NUP188: variants seen among roughly 807,000 people sequenced by gnomAD.
The protein encoded by NUP188 is nucleoporin NUP188.
Under a neutral mutation model 223.0 loss-of-function variants are expected in NUP188, and 97 were observed. The observed-to-expected ratio is 0.43, with a 90% CI of 0.37 to 0.51. The LOEUF (loss-of-function observed/expected upper bound fraction) is 0.51, where lower values mean the gene tolerates loss of function less well. NUP188 is among the 20% of genes least tolerant of loss of function. The pLI is 0.00. For synonymous variants in NUP188, 869 were observed against 828.0 expected (o/e 1.05, Z -0.85); for missense variants, 1,947 against 2,175.6 (o/e 0.89, Z 2.09).
chr9:128,960,767 T>G (rs1251904253), intron 8 of NUP188, among the ~76,000 whole-genome samples: 1 of 152,004 alleles, frequency 6.6e-6, no homozygotes, highest in Non-Finnish European at 1.5e-5. Context: ...CTGGCCAATA[T>G]GGTAAAACCC....
chr9:128,995,125 CTCCA>C, intron 29 of NUP188, 190 bp from the exon 30 acceptor site: 2 of 633,654 alleles, frequency 3.2e-6, no homozygotes, highest in Non-Finnish European at 5.6e-6. Flanking sequence ...GTGAAGCAAA[CTCCA>C]TGCAACTGGG....
chr9:128,950,085 G>A (rs138942106), intron 2 of NUP188, among the ~76,000 whole-genome samples: 1 of 151,852 alleles, frequency 6.6e-6, no homozygotes, highest in East Asian at 1.9e-4. Flanking sequence ...ACCACGCCCT[G>A]CTGATTTTTA....
chr9:129,006,610 G>A lies in NUP188; in HGVS notation c.5182G>A (p.Ala1728Thr), dbSNP rs1173025238. ...PQGKSTSLSK[A>T]SPESQEPLIQ... The stretch of plus-strand genomic sequence containing the variant: ...GGGCAAGTCCACCTCTCTCTCCAAA[G>A]CCAGCCCTGAGAGTCAGGAGCCTCT... The change falls in exon 44 of 44, where the codon GCC becomes ACC. Residue 1728 changes from alanine (A) to threonine (T), a missense_variant. By Grantham distance (58) the Ala-to-Thr change is moderately conservative. Transcript: ENST00000372577. 1.9e-6 allele frequency: 3 copies of A among 1,614,170 alleles called. No homozygotes were observed. The highest frequency in any genetic ancestry group is 2.5e-6 in the Non-Finnish European group (3 of 1,180,034).
In NUP188 at chr9:128,972,702, A is replaced by G. The variant is rs186801093; in HGVS notation, c.1114-458A>G. Among the ~76,000 whole-genome samples, 3 of 152,276 alleles carry G rather than the reference A, an allele frequency of 2.0e-5. No homozygotes were observed. The East Asian group carries it at 5.8e-4, about 29-fold the overall frequency. ...TGTGGAGGCAGAGGATATATGGGAA[A>G]TCTTTGTACTTTTCTGCTCAGTTTT... On this transcript the variant is annotated intron_variant, in intron 11 of 43. Transcript: ENST00000372577.
At chr9:128,979,536 A>G (rs535392171) in intron 13 of NUP188, among the ~76,000 whole-genome samples, 2 of 152,312 alleles carry the variant, frequency 1.3e-5, no homozygotes, top group South Asian at 4.1e-4. Flanking sequence ...ACACATAGAA[A>G]GAGGCAGCCA....
Position 128,957,002 on chromosome 9 carries a change from G to A in NUP188, c.297G>A (p.Glu99=), listed in dbSNP as rs1223208607. Residue 99 remains glutamate (E), a synonymous_variant, in exon 5 of 44, where the codon GAG becomes GAA. Transcript: ENST00000372577. ...SVQLLQCYLQ[E]DYRGTRDSVK... ...AGTTACTCCAGTGTTACCTGCAAGA[G>A]GACTACAGGGGTACTCGGGACTCAG... The A allele has an allele frequency of 6.2e-7, 1 of 1,612,700 alleles. No individual in the cohort carries two copies. The highest frequency in any genetic ancestry group is 2.2e-5 in the East Asian group (1 of 44,852).
intron 8 of NUP188, chr9:128,964,183 CT>C: frequency 3.5e-6 from 1 of 282,230 alleles, no homozygotes. Flanking sequence ...TGCTTATTTA[CT>C]TACACCTTCT....
chr9:129,006,986 C>T lies in NUP188; in HGVS notation c.*308C>T, dbSNP rs1328138041. 3.2e-6 allele frequency: 1 copy of T among 307,762 alleles called. No homozygotes were observed. The highest frequency in any genetic ancestry group is 4.6e-5 in the Admixed American group (1 of 21,764). 19.1% of individuals were successfully genotyped at this position (307,762 alleles called of 1,614,324 possible). ...GCCGGCCAGGGGAGAGGCGGCAGCC[C>T]AGCAGAGGGCTCTATGCACGGGTTT... On this transcript the variant is annotated 3_prime_UTR_variant, in exon 44 of 44. Transcript: ENST00000372577.
chr9:128,980,673 C>G lies in NUP188; in HGVS notation c.1337C>G (p.Pro446Arg), dbSNP rs139565838. ...VCGMFPHLLS[P>R]LLQLLRALVS... ...GGAATGTTTCCCCACCTTCTCTCCC[C>G]ACTCCTGCAACTGCTCCGAGCCCTG... is the stretch of plus-strand genomic sequence containing the variant. Residue 446 changes from proline (P) to arginine (R), a missense_variant, in exon 14 of 44, where the codon CCA (proline) becomes CGA (arginine). By Grantham distance (103) the Pro-to-Arg change is moderately radical (BLOSUM62 -2). Around this residue, in one of 3 missense-constraint regions of NUP188, gnomAD observed 817 missense variants for 865.8 expected, o/e 0.94. Transcript: ENST00000372577. 1.4e-4 allele frequency: 228 copies of G among 1,614,014 alleles called. 1 individual carries two copies. The Middle Eastern group carries it at 1.6e-3, about 12-fold the overall frequency.
intron 1 of NUP188, 115 bp from the exon 2 acceptor site, chr9:128,949,074 C>T (rs1190080790): frequency 4.4e-6 from 3 of 675,556 alleles, no homozygotes; most frequent in African/African-American, 3.7e-5. Context: ...TTTAACAAAT[C>T]GTTTTGTATA....
chr9:128,964,249 T>G (rs1841996221), intron 8 of NUP188: 1 of 375,666 alleles, frequency 2.7e-6, no homozygotes. Flanking sequence ...GATGTTTGTC[T>G]TATCAAATTG....
Position 129,005,286 on chromosome 9 carries a change from T to G in NUP188, c.4510-17T>G. The G allele has an allele frequency of 6.2e-7, 1 of 1,613,482 alleles. No individual in the cohort carries two copies. Among genetic ancestry groups the G allele is most frequent in the Non-Finnish European group, 8.5e-7 (1 of 1,179,408 alleles). On this transcript the variant is annotated splice_polypyrimidine_tract_variant and intron_variant, in intron 39 of 43. Coordinates refer to ENST00000372577, the MANE Select transcript of NUP188 (RefSeq NM_015354.3). ...CTAGCTTCCCAAGCTCCACCTTCAT[T>G]TCTTGACTCTCCTTAGAACAAAAAT...
intron 10 of NUP188, 147 bp downstream of exon 10, chr9:128,969,661 T>G: frequency 7.6e-6 from 4 of 525,856 alleles, no homozygotes; most frequent in East Asian, 3.5e-5. Context: ...TTTTGTTTTG[T>G]TTTGGTTTTT....
intron 10 of NUP188, among the ~76,000 whole-genome samples, chr9:128,969,908 G>A (rs1169417626): frequency 6.6e-6 from 1 of 152,102 alleles, no homozygotes; most frequent in Admixed American, 6.6e-5. Flanking sequence ...TGGGACTACA[G>A]GCGTGAGCCA....
At chr9:128,957,086 GT>G in intron 5 of NUP188, 54 bp downstream of exon 5, 1 of 1,288,866 alleles carries the variant, frequency 7.8e-7, no homozygotes, top group Non-Finnish European at 1.1e-6. Flanking sequence ...TTCCCTGTTG[GT>G]TTTAGATAAT....
intron 19 of NUP188, 45 bp downstream of exon 19, chr9:128,983,595 C>T (rs1043154960): frequency 7.9e-7 from 1 of 1,261,970 alleles, no homozygotes; most frequent in Non-Finnish European, 1.2e-6. Flanking sequence ...CTAGTGAGAA[C>T]CACATATGTC....
intron 37 of NUP188, 68 bp downstream of exon 37, chr9:129,003,043 G>C: frequency 6.5e-7 from 1 of 1,547,476 alleles, no homozygotes; most frequent in Non-Finnish European, 8.8e-7. Flanking sequence ...CATTCATGGG[G>C]CAGGTGGGTG....
chr9:128,975,226 C>CTTTTTTTTTTTT lies in NUP188; in HGVS notation c.1203+1983_1203+1994dup, dbSNP rs540828761. Among the ~76,000 whole-genome samples, 13 of 131,856 alleles carry CTTTTTTTTTTTT rather than the reference C, an allele frequency of 9.9e-5. 1 individual carries two copies. Among genetic ancestry groups the CTTTTTTTTTTTT allele is most frequent in the African/African-American group, 3.6e-4 (12 of 33,638 alleles). The allele number at this position is 131,856 out of a possible 152,430, so 86.5% of individuals were successfully genotyped here. On this transcript the variant is annotated intron_variant, in intron 12 of 43. Coordinates refer to ENST00000372577, the MANE Select transcript of NUP188 (RefSeq NM_015354.3). ...AATTAATTAATTTCTTTTTCTTTTC[C>CTTTTTTTTTTTT]TTTTTTTTTTTTTTTTTGAGACGGA...
chr9:128,983,115 A>G, intron 17 of NUP188, 87 bp downstream of exon 17: 2 of 1,555,238 alleles, frequency 1.3e-6, no homozygotes, highest in South Asian at 1.1e-5. Context: ...ACACATACCC[A>G]CTGGGTTAAA....
Sources: allele counts gnomAD v4.1 joint callset (sites outside exome capture counted in the v4.1 genomes callset), GRCh38; gene constraint gnomAD v4.1.1; regional missense constraint gnomAD v4.1.1; transcripts MANE v1.5; gene names NCBI Gene and HGNC (gene_info 2026-07-23, HGNC 2026-07-21).